Variants in PKHD1L1 observed in about 807,000 individuals in gnomAD.
The protein encoded by PKHD1L1 is fibrocystin-L.
PKHD1L1 carries 434 observed loss-of-function variants against 462.9 expected under a neutral mutation model. The ratio of observed to expected loss-of-function variants is 0.94; its 90% confidence interval spans 0.87 to 1.02. PKHD1L1 has a LOEUF of 1.02. Among genes scored for constraint, PKHD1L1 ranks in the 50% least tolerant of loss-of-function variants. PKHD1L1 has a pLI of 0.00. For synonymous variants in PKHD1L1, 1,781 were observed against 1,750.0 expected (o/e 1.02, Z -0.44); for missense variants, 5,202 against 5,096.1 (o/e 1.02, Z -0.63).
At chr8:109,483,252 A>T (rs1208493431) in intron 57 of PKHD1L1, 147 bp downstream of exon 57, 2 of 550,068 alleles carry the variant, frequency 3.6e-6, no homozygotes, top group Non-Finnish European at 5.9e-6. Flanking sequence ...GCAAAAATGT[A>T]TCCGATAGGA....
At chr8:109,526,750 G>A (rs533232665) in intron 76 of PKHD1L1, 34 bp from the exon 77 acceptor site, 2 of 1,500,674 alleles carry the variant, frequency 1.3e-6, no homozygotes. Context: ...AAAACATAAA[G>A]GAAATCAAAC....
At chr8:109,520,308 T>C (rs767904025) in intron 73 of PKHD1L1, among the ~76,000 whole-genome samples, 1 of 152,112 alleles carries the variant, frequency 6.6e-6, no homozygotes, top group East Asian at 1.9e-4. Flanking sequence ...ATGGCACATA[T>C]ACAGATTACT....
chr8:109,518,391 A>G lies in PKHD1L1; in HGVS notation c.11914A>G (p.Lys3972Glu). The change falls in exon 73 of 78, where the codon AAA (lysine) becomes GAA (glutamate). Residue 3972 changes from lysine to glutamate, a missense_variant. Coordinates refer to ENST00000378402, the MANE Select transcript of PKHD1L1 (RefSeq NM_177531.6). Reference protein sequence around the residue: ...LALFLKIPSDKIRISKIRGKS... With the variant: ...LALFLKIPSDEIRISKIRGKS... ...CTTGTTCCTAAAGATACCAAGTGAC[A>G]AAATCCGTATCAGCAAAATAAGAGG... The G allele has an allele frequency of 6.2e-7, 1 of 1,613,314 alleles. No homozygotes were observed. The highest frequency in any genetic ancestry group is 1.6e-4 in the Middle Eastern group (1 of 6,062).
At chr8:109,365,381 T>C (rs922032375) in intron 2 of PKHD1L1, among the ~76,000 whole-genome samples, 1 of 152,198 alleles carries the variant, frequency 6.6e-6, no homozygotes, top group African/African-American at 2.4e-5. Flanking sequence ...AGATATTTAA[T>C]TATTTTGTTA....
intron 41 of PKHD1L1, 48 bp downstream of exon 41, chr8:109,451,197 G>A: frequency 2.0e-6 from 3 of 1,524,646 alleles, no homozygotes; most frequent in Non-Finnish European, 2.7e-6. Context: ...CCAGACTTGA[G>A]CCATTACTCC....
At position 109,464,246 on chromosome 8, in the gene PKHD1L1, G is replaced by T; in HGVS notation, c.7414G>T (p.Gly2472Trp). 2 of 1,605,676 alleles carry T rather than the reference G, an allele frequency of 1.2e-6. No individual in the cohort carries two copies. The highest frequency in any genetic ancestry group is 1.7e-6 in the Non-Finnish European group (2 of 1,173,528). ...CCATGCTGGCCAGGCTTTCCGGTTG[G>T]GGCGATATCCAATACATTGGCACCT... ...VFHAGQAFRL[G>W]RYPIHWHLLG... Residue 2472 changes from glycine to tryptophan, a missense_variant, in exon 49 of 78, where the codon GGG becomes TGG. Coordinates refer to ENST00000378402, the MANE Select transcript of PKHD1L1 (RefSeq NM_177531.6).
chr8:109,419,385 T>C, intron 22 of PKHD1L1, 125 bp downstream of exon 22: 1 of 657,926 alleles, frequency 1.5e-6, no homozygotes, highest in South Asian at 3.3e-5. Context: ...GTCACTCTTT[T>C]ATCTGAATAA....
At chr8:109,410,092 A>G in intron 19 of PKHD1L1, 114 bp downstream of exon 19, 1 of 584,104 alleles carries the variant, frequency 1.7e-6, no homozygotes, top group Non-Finnish European at 2.8e-6. Context: ...TTCACAGTCA[A>G]ATTGCAAAAA....
chr8:109,475,206 G>C lies in PKHD1L1; in HGVS notation c.8694G>C (p.Trp2898Cys), dbSNP rs1817915517. ...TTCCAAATGCAAATCACATTAACTG[G>C]TATTTTAAAGGTGTGGATCACATAA... ...ALIPNANHIN[W>C]YFKGVDHITN... Residue 2898 changes from tryptophan to cysteine, a missense_variant, in exon 51 of 78, where the codon TGG becomes TGC. By Grantham distance (215) the Trp-to-Cys change is radical. Coordinates refer to ENST00000378402, the MANE Select transcript of PKHD1L1 (RefSeq NM_177531.6). The C allele has an allele frequency of 1.9e-6, 3 of 1,612,062 alleles. No homozygotes were observed.
At chr8:109,412,147 A>T in intron 19 of PKHD1L1, 118 bp from the exon 20 acceptor site, 1 of 932,724 alleles carries the variant, frequency 1.1e-6, no homozygotes, top group Non-Finnish European at 1.6e-6. Context: ...ATCTAAAGTT[A>T]AAGTAATCAG....
chr8:109,402,552 G>C (rs911220229), intron 14 of PKHD1L1, among the ~76,000 whole-genome samples: 3 of 152,124 alleles, frequency 2.0e-5, no homozygotes, highest in African/African-American at 7.2e-5. Flanking sequence ...GGTGATGATG[G>C]GTTGATAGGT....
intron 15 of PKHD1L1, 43 bp downstream of exon 15, chr8:109,404,756 G>C (rs767442443): frequency 6.6e-7 from 1 of 1,514,000 alleles, no homozygotes; most frequent in Non-Finnish European, 8.9e-7. Context: ...GTAAATGTTC[G>C]AAGGCAGGAT....
intron 21 of PKHD1L1, among the ~76,000 whole-genome samples, chr8:109,417,730 T>C (rs530721070): frequency 1.4e-4 from 22 of 152,230 alleles, no homozygotes; most frequent in African/African-American, 5.1e-4. Flanking sequence ...TTTGTATTTT[T>C]AGTTAGAGAT....
At chr8:109,389,235 C>T in intron 8 of PKHD1L1, 83 bp downstream of exon 8, 1 of 1,053,412 alleles carries the variant, frequency 9.5e-7, no homozygotes, top group South Asian at 1.6e-5. Context: ...GACCTCCCTC[C>T]TCTGCCCTTT....
intron 21 of PKHD1L1, among the ~76,000 whole-genome samples, chr8:109,416,724 C>T (rs9656793): frequency 0.3 from 45,194 of 151,878 alleles, 7,311 homozygotes; most frequent in Admixed American, 0.43. Context: ...TACCAGAAGT[C>T]GAGCCAGCCC....
chr8:109,382,123 CA>C (rs1312498947), intron 3 of PKHD1L1, among the ~76,000 whole-genome samples: 1 of 152,096 alleles, frequency 6.6e-6, no homozygotes, highest in Non-Finnish European at 1.5e-5. Flanking sequence ...TTTTAGGAAA[CA>C]AAGCATGGAA....
intron 24 of PKHD1L1, among the ~76,000 whole-genome samples, chr8:109,426,108 A>G (rs1043313705): frequency 2.0e-5 from 3 of 152,106 alleles, no homozygotes; most frequent in Non-Finnish European, 4.4e-5. Context: ...ATTCAGGGCA[A>G]GTGACATTTT....
chr8:109,450,950 A>G, intron 40 of PKHD1L1, 25 bp from the exon 41 acceptor site: 1 of 1,571,098 alleles, frequency 6.4e-7, no homozygotes, highest in Non-Finnish European at 8.7e-7. Flanking sequence ...GCAGAACTGC[A>G]TTCAGTCTGA....
chr8:109,447,422 T>C (rs1343040561), intron 38 of PKHD1L1, among the ~76,000 whole-genome samples: 1 of 152,220 alleles, frequency 6.6e-6, no homozygotes, highest in East Asian at 1.9e-4. Flanking sequence ...AAAAGTTATG[T>C]TGACGAATTT....
Sources: allele counts gnomAD v4.1 joint callset (sites outside exome capture counted in the v4.1 genomes callset), GRCh38; gene constraint gnomAD v4.1.1; transcripts MANE v1.5; gene names NCBI Gene and HGNC (gene_info 2026-07-23, HGNC 2026-07-21).